The following POLRMT variants were observed in gnomAD, a reference collection of about 807,000 sequenced individuals.
The protein encoded by POLRMT is RNA polymerase mitochondrial, also known as DNA-directed RNA polymerase, mitochondrial.
POLRMT carries 114 observed loss-of-function variants against 132.2 expected under a neutral mutation model. That is an observed-to-expected ratio of 0.86 (90% CI 0.74 to 1.01). The LOEUF (loss-of-function observed/expected upper bound fraction) is 1.01. Ranked by LOEUF, POLRMT falls within the 50% of genes least tolerant of loss-of-function variation. The probability of loss-of-function intolerance (pLI) is 0.00; values close to 1 mark genes in which losing one functional copy is unlikely to be tolerated. For missense variants in POLRMT, 2,003 were observed against 1,729.1 expected, an observed-to-expected ratio of 1.16 and a Z score of -2.81; for synonymous variants, 1,020 against 773.4, an observed-to-expected ratio of 1.32 and a Z score of -5.29.
intron 5 of POLRMT, among the ~76,000 whole-genome samples, chr19:624,071 G>A (rs1555676277): frequency 6.6e-6 from 1 of 152,252 alleles, no homozygotes; most frequent in South Asian, 2.1e-4. Context: ...TCGATAAGTA[G>A]AAACAGCCCA....
In POLRMT at chr19:627,148, A is replaced by ATT. The variant is rs869110035; in HGVS notation, c.823-1896_823-1895dup. 1.1e-3 allele frequency among the ~76,000 whole-genome samples: 126 copies of ATT among 119,732 alleles called. 1 individual carries two copies. The highest frequency in any genetic ancestry group is 2.2e-3 in the African/African-American group (66 of 30,236). The allele number at this position is 119,732 out of a possible 152,430, so 78.5% of individuals were successfully genotyped here. A position where few individuals can be genotyped will look rare whatever the true frequency, so the allele number is the denominator to read the frequency against. On this transcript the variant is annotated intron_variant, in intron 3 of 20. Coordinates refer to ENST00000588649, the MANE Select transcript of POLRMT (RefSeq NM_005035.4). ...AGACCAGAGACATGAGTTTTGGGGC[A>ATT]TTTTTTTTTTTTTTTTTTTTTGAGA...
At chr19:624,445 C>A (rs1469651667) in intron 5 of POLRMT, among the ~76,000 whole-genome samples, 1 of 152,322 alleles carries the variant, frequency 6.6e-6, no homozygotes, top group Admixed American at 6.5e-5. Context: ...ACTGCGTGCA[C>A]CTGGCAGCCC....
At chr19:619,523 A>C (rs1355217456) in intron 13 of POLRMT, 63 bp downstream of exon 13, 2 of 1,590,884 alleles carry the variant, frequency 1.3e-6, no homozygotes, top group Non-Finnish European at 8.6e-7. Flanking sequence ...TCGGGGGCAC[A>C]CCCGTCTGAG....
At position 620,017 on chromosome 19, in the gene POLRMT, A is replaced by G. The variant is rs1215757772; in HGVS notation, c.2827T>C (p.Ser943Pro). The G allele has an allele frequency of 1.3e-6, 2 of 1,580,438 alleles. No individual in the cohort carries two copies. ...ACATCCGAGGGCTCCAGGTTGACGG[A>G]GGCGGCGCCCACGCTGTCGCGGCCC... ...ALGRDSVGAA[S>P]VNLEPSDVPQ... is the part of the protein sequence containing the mutation. The change falls in exon 12 of 21, where the codon TCC (serine) becomes CCC (proline). Residue 943 changes from serine to proline, a missense_variant. Coordinates refer to ENST00000588649, the MANE Select transcript of POLRMT (RefSeq NM_005035.4).
At chr19:620,344 G>A (rs778708016) in intron 11 of POLRMT, 21 bp downstream of exon 11, 4 of 1,556,998 alleles carry the variant, frequency 2.6e-6, no homozygotes, top group Admixed American at 1.9e-5. Context: ...CGGCCTCGGG[G>A]GCCAGACCCA....
chr19:622,227 G>T lies in POLRMT; in HGVS notation c.1773C>A (p.Cys591Ter). 6.4e-7 allele frequency: 1 copy of T among 1,563,392 alleles called. No homozygotes were observed. Among genetic ancestry groups the T allele is most frequent in the Non-Finnish European group, 8.6e-7 (1 of 1,156,842 alleles). Residue 591 changes from cysteine (C) to a stop codon, truncating the protein, a stop_gained, in exon 9 of 21, where the codon TGC becomes TGA. Coordinates refer to ENST00000588649, the MANE Select transcript of POLRMT (RefSeq NM_005035.4). LOFTEE classifies it high-confidence loss of function. Reference protein sequence around the residue: ...EMLVQATQMPCSLDKPHRSSR... With the variant: ...EMLVQATQMP ...AGGAACGATGCGGCTTGTCCAGGCT[G>T]CATGGCATCTGCGTAGCCTGCACCA...
chr19:621,077 G>A lies in POLRMT; in HGVS notation c.2621C>T (p.Ser874Phe). 1.2e-6 allele frequency: 2 copies of A among 1,607,350 alleles called. No homozygotes were observed. Among genetic ancestry groups the A allele is most frequent in the East Asian group, 2.2e-5 (1 of 44,566 alleles). The change falls in exon 10 of 21, where the codon TCC becomes TTC. Residue 874 changes from serine to phenylalanine, a missense_variant. Ser to Phe is a radical substitution (Grantham distance 155, BLOSUM62 -2). Transcript: ENST00000588649. ...CCCTACCGTCAAGGGTTGGTCCGCG[G>A]AGTCCAGGATGTCATCCATCACCTC... ...AEEVMDDILD[S>F]ADQPLTGRKW...
In POLRMT at chr19:617,854, G is replaced by A. The variant is rs768447989; in HGVS notation, c.3423-5C>T. The A allele has an allele frequency of 2.5e-6, 4 of 1,612,904 alleles. No homozygotes were observed. Among genetic ancestry groups the A allele is most frequent in the East Asian group, 4.5e-5 (2 of 44,872 alleles). On this transcript the variant is annotated splice_region_variant and splice_polypyrimidine_tract_variant and intron_variant, in intron 17 of 20. Transcript: ENST00000588649. ...GAGACGAAGGTCAGGCCCTTCCTGT[G>A]GCAGAGCGGAGGACTCCTGAAGGGA... is the stretch of plus-strand genomic sequence containing the variant.
chr19:621,728 G>T lies in POLRMT; in HGVS notation c.1970C>A (p.Ser657Ter). Reference sequence around the variant, plus strand: ...GAGCAGGAAAGCACCAGAGTGCGGCGATGTCCAGGGCAGCGGGGGGCAAAG... The same window carrying T: ...GAGCAGGAAAGCACCAGAGTGCGGCTATGTCCAGGGCAGCGGGGGGCAAAG... Reference protein sequence around the residue: ...PMLCPPLPWTSPHSGAFLLSP... With the variant: ...PMLCPPLPWT The change falls in exon 10 of 21, where the codon TCG (serine) becomes TAG (stop). Residue 657 changes from serine (S) to a stop codon, truncating the protein, a stop_gained. Transcript: ENST00000588649. LOFTEE classifies it high-confidence loss of function. The T allele has an allele frequency of 1.3e-6, 2 of 1,598,862 alleles. No individual in the cohort carries two copies. Among genetic ancestry groups the T allele is most frequent in the Non-Finnish European group, 8.5e-7 (1 of 1,178,078 alleles).
rs373911845 is a variant in POLRMT, at chr19:624,825, G to A, written c.1034C>T (p.Ala345Val). ...TAVLLSEEDR[A>V]TVLKAVHKVK... is the part of the protein sequence containing the mutation. ...CTTGTGCACGGCCTTCAGAACAGTG[G>A]CCCGATCCTCCTCAGACAGCAGAAC... Residue 345 changes from alanine (A) to valine (V), a missense_variant, in exon 5 of 21, where the codon GCC becomes GTC. Transcript: ENST00000588649. 2 of 1,613,288 alleles carry A rather than the reference G, an allele frequency of 1.2e-6. No homozygotes were observed. The highest frequency in any genetic ancestry group is 2.7e-5 in the African/African-American group (2 of 74,950).
chr19:628,631 T>G (rs976098558), intron 3 of POLRMT, among the ~76,000 whole-genome samples: 38 of 150,888 alleles, frequency 2.5e-4, no homozygotes, highest in African/African-American at 9.1e-4. Flanking sequence ...TGAAGGATCA[T>G]GGGGGGGGAG....
chr19:621,803 T>TC lies in POLRMT; in HGVS notation c.1894dup (p.Glu632GlyfsTer130). On this transcript the variant is annotated frameshift_variant, in exon 10 of 21. Coordinates refer to ENST00000588649, the MANE Select transcript of POLRMT (RefSeq NM_005035.4). LOFTEE classifies it high-confidence loss of function. Reference sequence around the variant, plus strand: ...GGTCAGCGTGGGCTCCGCGGCCTTCTCCAGCAGCTGCACGTAGGCCGGGTG... The same window carrying TC: ...GGTCAGCGTGGGCTCCGCGGCCTTCTCCCAGCAGCTGCACGTAGGCCGGGTG... The TC allele has an allele frequency of 6.2e-7, 1 of 1,602,532 alleles. No individual in the cohort carries two copies. The highest frequency in any genetic ancestry group is 2.2e-5 in the East Asian group (1 of 44,876).
At chr19:622,054 CTGAGAT>C in intron 9 of POLRMT, 89 bp downstream of exon 9, 1 of 1,267,534 alleles carries the variant, frequency 7.9e-7, no homozygotes, top group East Asian at 2.6e-5. Flanking sequence ...GACGGCTGCG[CTGAGAT>C]CAAGGCTCCG....
At chr19:628,072 G>A (rs939517108) in intron 3 of POLRMT, among the ~76,000 whole-genome samples, 3 of 152,186 alleles carry the variant, frequency 2.0e-5, no homozygotes, top group African/African-American at 4.8e-5. Context: ...GGCTGAGCTC[G>A]CAGTCCAGCG....
At position 620,792 on chromosome 19, in the gene POLRMT, G is replaced by C. The variant is rs867677945; in HGVS notation, c.2640+266C>G. Among the ~76,000 whole-genome samples the C allele has an allele frequency of 5.2e-5, 5 of 96,944 alleles. 1 individual carries two copies. The highest frequency in any genetic ancestry group is 1.1e-4 in the Non-Finnish European group (5 of 46,796). The allele number at this position is 96,944 out of a possible 152,430, so 63.6% of individuals were successfully genotyped here. A position where few individuals can be genotyped will look rare whatever the true frequency, so the allele number is the denominator to read the frequency against. On this transcript the variant is annotated intron_variant, in intron 10 of 20. Coordinates refer to ENST00000588649, the MANE Select transcript of POLRMT (RefSeq NM_005035.4). Reference sequence around the variant, plus strand: ...AGCTCGGCGGATGCAGGGGAGGGGGGAACGTGGGGAACGCGGGGGCCCTGG... The same window carrying C: ...AGCTCGGCGGATGCAGGGGAGGGGGCAACGTGGGGAACGCGGGGGCCCTGG...
Position 617,768 on chromosome 19 carries a change from C to G in POLRMT, c.3495+9G>C, listed in dbSNP as rs377569522. On this transcript the variant is annotated intron_variant, in intron 18 of 20. Coordinates refer to ENST00000588649, the MANE Select transcript of POLRMT (RefSeq NM_005035.4). ...CATGGGTGGACTGAGGCTCAGACTA[C>G]GGGGGCACCTGGTTCATGACGGAGA... 1.9e-6 allele frequency: 3 copies of G among 1,613,098 alleles called. No homozygotes were observed. Among genetic ancestry groups the G allele is most frequent in the Non-Finnish European group, 2.5e-6 (3 of 1,179,778 alleles).
intron 3 of POLRMT, among the ~76,000 whole-genome samples, chr19:629,038 A>C (rs953583626): frequency 1.3e-4 from 20 of 152,268 alleles, no homozygotes; most frequent in African/African-American, 4.1e-4. Flanking sequence ...AGAAAACGGC[A>C]AGGGAAATTG....
In POLRMT at chr19:620,419, G is replaced by A. The variant is rs772314863; in HGVS notation, c.2709C>T (p.Asn903=). 9.4e-6 allele frequency: 15 copies of A among 1,594,362 alleles called. No individual in the cohort carries two copies. Among genetic ancestry groups the A allele is most frequent in the Non-Finnish European group, 1.2e-5 (14 of 1,171,450 alleles). The part of the protein sequence containing the change: ...QTLACCMEVA[N]AVRASDPAAY... ...CGGCAGGGTCGGAGGCGCGCACAGC[G>A]TTCGCCACCTCCATACAGCAGGCCA... The change falls in exon 11 of 21, where the codon AAC becomes AAT. Residue 903 remains asparagine, a synonymous_variant. Transcript: ENST00000588649.
intron 2 of POLRMT, among the ~76,000 whole-genome samples, chr19:630,554 C>T (rs1479452618): frequency 6.6e-6 from 1 of 152,144 alleles, no homozygotes; most frequent in Non-Finnish European, 1.5e-5. Flanking sequence ...AGAATCTATC[C>T]AGGTGGCCCC....
Sources: allele counts gnomAD v4.1 joint callset (sites outside exome capture counted in the v4.1 genomes callset), GRCh38; gene constraint gnomAD v4.1.1; transcripts MANE v1.5; gene names NCBI Gene and HGNC (gene_info 2026-07-23, HGNC 2026-07-21).